Variants in NAV1 observed in about 807,000 individuals in gnomAD.
NAV1 encodes the protein pore membrane and/or filament interacting like protein 3.
NAV1 carries 18 observed loss-of-function variants against 175.2 expected under a neutral mutation model. That is an observed-to-expected ratio of 0.10 (90% CI 0.07 to 0.15). The LOEUF (loss-of-function observed/expected upper bound fraction) is 0.15. Ranked by LOEUF, NAV1 falls within the 10% of genes least tolerant of loss-of-function variation. The pLI, the probability that NAV1 is intolerant of heterozygous loss-of-function variation, is 1.00. For missense variants in NAV1, 1,731 were observed against 2,436.6 expected (o/e 0.71, Z 6.10); for synonymous variants, 897 against 978.7 (o/e 0.92, Z 1.56).
chr1:201,730,202 A>T (rs1394056515), intron 3 of NAV1, among the ~76,000 whole-genome samples: 1 of 152,242 alleles, frequency 6.6e-6, no homozygotes, highest in East Asian at 1.9e-4. Context: ...ATTGCATAGC[A>T]TGCATGGTTT....
Position 201,794,586 on chromosome 1 carries a change from T to A in NAV1, c.3517+9T>A. On this transcript the variant is annotated intron_variant, in intron 15 of 29. Transcript: ENST00000367296. ...AGAAACCACACCCAAAGGTAGGACA[T>A]CCAGCCACAGATTGAGAGGGAACAG... is the stretch of plus-strand genomic sequence containing the variant. 2 of 1,607,540 alleles carry A rather than the reference T, an allele frequency of 1.2e-6. No homozygotes were observed. The highest frequency in any genetic ancestry group is 8.5e-7 in the Non-Finnish European group (1 of 1,174,062).
At position 201,702,676 on chromosome 1, in the gene NAV1, C is replaced by CTCTCTCTCTCTCTT. The variant is rs1671478839; in HGVS notation, c.758-10128_758-10127insTTCTCTCTCTCTCT. Reference sequence around the variant, plus strand: ...GGGTGAATTTTGGTATGTGAATTCTCTCTCTCTCTCTCTCTCTCTCTCTCT... The same window carrying CTCTCTCTCTCTCTT: ...GGGTGAATTTTGGTATGTGAATTCTCTCTCTCTCTCTCTTTCTCTCTCTCTCTCTCTCTCTCTCT... On this transcript the variant is annotated intron_variant, in intron 1 of 29. Transcript: ENST00000367296. 1.7e-4 allele frequency among the ~76,000 whole-genome samples: 21 copies of CTCTCTCTCTCTCTT among 125,744 alleles called. 3 individuals carry two copies. Among genetic ancestry groups the CTCTCTCTCTCTCTT allele is most frequent in the African/African-American group, 6.2e-4 (19 of 30,742 alleles). 82.5% of individuals were successfully genotyped at this position (125,744 alleles called of 152,430 possible).
At chr1:201,596,920 G>C (rs1667364572) in intron 2 of NAV1, among the ~76,000 whole-genome samples, 1 of 152,080 alleles carries the variant, frequency 6.6e-6, no homozygotes, top group South Asian at 2.1e-4. Flanking sequence ...CCGCCTCCTG[G>C]GTTCAAACAA....
At chr1:201,549,146 C>T (rs1034508888) in intron 1 of NAV1, among the ~76,000 whole-genome samples, 4 of 122,384 alleles carry the variant, frequency 3.3e-5, no homozygotes, top group South Asian at 2.6e-4. Flanking sequence ...TTTCTTTCTT[C>T]TTTCTCTCTC....
rs112146456 is a variant in NAV1 at position 201,771,152 on chromosome 1, A to G, written c.1227-9269A>G. Among the ~76,000 whole-genome samples the G allele has an allele frequency of 5.1e-3, 768 of 150,088 alleles. 12 individuals are homozygous for G. The highest frequency in any genetic ancestry group is 0.017 in the African/African-American group (715 of 40,908). ...ACAGTCCTGATCCTGCCCTCAAAAC[A>G]TCTGGTGACCCGGGAGGCAGAGCTT... On this transcript the variant is annotated intron_variant, in intron 3 of 29. Transcript: ENST00000367296.
chr1:201,562,241 A>G (rs529668763), intron 1 of NAV1, among the ~76,000 whole-genome samples: 13 of 146,810 alleles, frequency 8.9e-5, no homozygotes, highest in African/African-American at 3.1e-4. Context: ...CTGGTCTCGA[A>G]CTCCTGGGCT....
chr1:201,659,454 A>G (rs974282878), intron 1 of NAV1, among the ~76,000 whole-genome samples: 1 of 152,124 alleles, frequency 6.6e-6, no homozygotes, highest in African/African-American at 2.4e-5. Flanking sequence ...CATCCGTACA[A>G]AAGAGGTTTT....
At chr1:201,606,690 AG>A (rs1187002301) in intron 2 of NAV1, among the ~76,000 whole-genome samples, 1 of 152,240 alleles carries the variant, frequency 6.6e-6, no homozygotes, top group Non-Finnish European at 1.5e-5. Context: ...GGGGAAGAAC[AG>A]AACAAGATCT....
At chr1:201,634,468 AAGTCTGGGAGTTCTCCC>A (rs1184587499) in intron 2 of NAV1, among the ~76,000 whole-genome samples, 1 of 152,132 alleles carries the variant, frequency 6.6e-6, no homozygotes, top group Non-Finnish European at 1.5e-5. Context: ...AAGATGACTC[AAGTCTGGGAGTTCTCCC>A]AGGGAGGCCA....
At chr1:201,581,592 GCTGAGGTGAGCGGATCAC>G (rs1262552533) in intron 1 of NAV1, among the ~76,000 whole-genome samples, 1 of 152,128 alleles carries the variant, frequency 6.6e-6, no homozygotes, top group East Asian at 1.9e-4. Context: ...ACTTTGGGAG[GCTGAGGTGAGCGGATCAC>G]CTGAGGTCAG....
chr1:201,774,784 C>A (rs939807911), intron 3 of NAV1, among the ~76,000 whole-genome samples: 1 of 152,120 alleles, frequency 6.6e-6, no homozygotes, highest in Non-Finnish European at 1.5e-5. Flanking sequence ...TTCACAACTA[C>A]CACAAAAGTT....
In NAV1 at chr1:201,694,250, G is replaced by C. The variant is rs1013211501; in HGVS notation, c.758-18567G>C. 6.6e-6 allele frequency among the ~76,000 whole-genome samples: 1 copy of C among 152,226 alleles called. No homozygotes were observed. Among genetic ancestry groups the C allele is most frequent in the African/African-American group, 2.4e-5 (1 of 41,456 alleles). On this transcript the variant is annotated intron_variant, in intron 1 of 29. Transcript: ENST00000367296. The surrounding 1 kb of genome is among the most constrained non-coding windows in gnomAD (Gnocchi z 4.2). ...ATCACTGAGAACTCCCCCAGTTGGG[G>C]TGTAGAGGCATAGGGGAAGTCAAAG...
At chr1:201,556,663 G>A (rs1408567412) in intron 1 of NAV1, among the ~76,000 whole-genome samples, 3 of 152,168 alleles carry the variant, frequency 2.0e-5, no homozygotes. Flanking sequence ...CTTCCCCTCT[G>A]CTGTCCTAGC....
rs748923862 is a variant in NAV1 at position 201,808,880 on chromosome 1, G to C, written c.4207+9G>C. Reference sequence around the variant, plus strand: ...CAGTCTTGCAGACACAGGTACCTGTGTGGGAGAAGAATCTATAAGGGTGAA... The same window carrying C: ...CAGTCTTGCAGACACAGGTACCTGTCTGGGAGAAGAATCTATAAGGGTGAA... On this transcript the variant is annotated intron_variant, in intron 20 of 29. Coordinates refer to ENST00000367296, the Ensembl canonical transcript of NAV1. The surrounding 1 kb of genome is among the most constrained non-coding windows in gnomAD (Gnocchi z 5.5). 1.9e-6 allele frequency: 3 copies of C among 1,607,998 alleles called. No homozygotes were observed. The highest frequency in any genetic ancestry group is 2.5e-6 in the Non-Finnish European group (3 of 1,176,496).
chr1:201,645,412 G>C (rs998746447), upstream of NAV1, among the ~76,000 whole-genome samples: 8 of 98,282 alleles, frequency 8.1e-5, no homozygotes, highest in African/African-American at 3.2e-4. Flanking sequence ...GGGGTGGGGG[G>C]AGGGGGGAGG....
chr1:201,667,428 T>A (rs981252825), intron 1 of NAV1, among the ~76,000 whole-genome samples: 1 of 152,058 alleles, frequency 6.6e-6, no homozygotes, highest in Admixed American at 6.6e-5. Context: ...CCAGGTGGGA[T>A]CATCATCCCA....
chr1:201,616,306 G>A (rs1668000558), intron 2 of NAV1, among the ~76,000 whole-genome samples: 1 of 152,126 alleles, frequency 6.6e-6, no homozygotes, highest in South Asian at 2.1e-4. Flanking sequence ...GCAGGAGTCT[G>A]TATTGGGGCA....
intron 3 of NAV1, among the ~76,000 whole-genome samples, chr1:201,771,614 G>A (rs1313554154): frequency 6.6e-6 from 1 of 152,016 alleles, no homozygotes; most frequent in Non-Finnish European, 1.5e-5. Flanking sequence ...ACAGCGGAAG[G>A]GACATGTCCT....
chr1:201,735,132 C>T (rs1020227298), intron 3 of NAV1, among the ~76,000 whole-genome samples: 4 of 152,172 alleles, frequency 2.6e-5, no homozygotes, highest in African/African-American at 9.7e-5. Context: ...ACCCCCAGTG[C>T]CCCCAGTTCA....
Sources: allele counts gnomAD v4.1 joint callset (sites outside exome capture counted in the v4.1 genomes callset), GRCh38; gene constraint gnomAD v4.1.1; non-coding constraint Gnocchi (gnomAD v3.1); transcripts MANE v1.5; gene names NCBI Gene and HGNC (gene_info 2026-07-23, HGNC 2026-07-21).